Variants in ENTPD7 observed in about 807,000 individuals in gnomAD.
The protein encoded by ENTPD7 is NTPDase 7.
A neutral mutation model predicts 77.9 loss-of-function variants in ENTPD7; 53 were observed. That is an observed-to-expected ratio of 0.68 (90% CI 0.55 to 0.85). ENTPD7 has a LOEUF of 0.85. Ranked by LOEUF, ENTPD7 falls within the 40% of genes least tolerant of loss-of-function variation. The pLI, the probability that ENTPD7 is intolerant of heterozygous loss-of-function variation, is 0.00. For synonymous variants in ENTPD7, 248 were observed against 274.9 expected, an observed-to-expected ratio of 0.90 and a Z score of 0.97; for missense variants, 636 against 743.7, an observed-to-expected ratio of 0.86 and a Z score of 1.68.
Position 99,703,672 on chromosome 10 carries a change from CT to C in ENTPD7, c.1584-777del, listed in dbSNP as rs200354653. Among the ~76,000 whole-genome samples, 113 of 152,168 alleles carry C rather than the reference CT, an allele frequency of 7.4e-4. 1 individual carries two copies. The East Asian group carries it at 0.019, about 26-fold the overall frequency. On this transcript the variant is annotated intron_variant, in intron 12 of 12. Coordinates refer to ENST00000370489, the MANE Select transcript of ENTPD7 (RefSeq NM_020354.5). ...TGTAATACAGTTGATCAGGTAACAGCTTTATTTAGATATATCCTAGATCCTA... is the reference window on the plus strand; with the variant it reads ...TGTAATACAGTTGATCAGGTAACAGCTTATTTAGATATATCCTAGATCCTA...
rs746168281 is a variant in ENTPD7 at position 99,695,938 on chromosome 10, C to T, written c.844-18C>T. On this transcript the variant is annotated intron_variant, in intron 8 of 12. Coordinates refer to ENST00000370489, the MANE Select transcript of ENTPD7 (RefSeq NM_020354.5). ...ACCAAAACTAAAATTCCCTTTTTCT[C>T]TTGGTATTGTATTATAGGAAGAAGC... 7.0e-6 allele frequency: 11 copies of T among 1,577,702 alleles called. No homozygotes were observed. The Admixed American group carries it at 7.7e-5, about 11-fold the overall frequency.
rs1252451552 is a variant in ENTPD7, at chr10:99,704,982, T to C, written c.*299T>C. The C allele has an allele frequency of 2.8e-6, 1 of 352,534 alleles. No homozygotes were observed. Among genetic ancestry groups the C allele is most frequent in the Non-Finnish European group, 5.3e-6 (1 of 189,742 alleles). 21.8% of individuals were successfully genotyped at this position (352,534 alleles called of 1,614,324 possible). On this transcript the variant is annotated 3_prime_UTR_variant, in exon 13 of 13. Coordinates refer to ENST00000370489, the MANE Select transcript of ENTPD7 (RefSeq NM_020354.5). ...TGAGAGGTCTGGTGTGTTCCTAGAA[T>C]CTCACCTTTTCTTCCCTTGCTAAAG...
At chr10:99,680,282 T>C (rs779347947) in intron 5 of ENTPD7, among the ~76,000 whole-genome samples, 1 of 152,202 alleles carries the variant, frequency 6.6e-6, no homozygotes, top group Non-Finnish European at 1.5e-5. Flanking sequence ...TTGCTGCTAC[T>C]GCAAAGCTCA....
At chr10:99,675,514 A>G (rs546897462) in intron 3 of ENTPD7, among the ~76,000 whole-genome samples, 10 of 121,142 alleles carry the variant, frequency 8.3e-5, no homozygotes, top group African/African-American at 3.2e-4. Flanking sequence ...AAAAGTTTTT[A>G]GATAGGGTTT....
chr10:99,698,685 C>T lies in ENTPD7; in HGVS notation c.1162C>T (p.Pro388Ser). Residue 388 changes from proline (P) to serine (S), a missense_variant, in exon 10 of 13, where the codon CCC (proline) becomes TCC (serine). Transcript: ENST00000370489. The stretch of plus-strand genomic sequence containing the variant: ...GGTGTCTTGTGGGGCAATGCTGAGC[C>T]CCCTGCTGGCTCGCTCCAACACCAG... The part of the protein sequence containing the change: ...DWVSCGAMLS[P>S]LLARSNTSQA... The T allele has an allele frequency of 6.2e-7, 1 of 1,614,136 alleles. No homozygotes were observed. Among genetic ancestry groups the T allele is most frequent in the Non-Finnish European group, 8.5e-7 (1 of 1,180,022 alleles).
chr10:99,679,081 A>G (rs1332640822), intron 3 of ENTPD7, among the ~76,000 whole-genome samples, 180 bp from the exon 4 acceptor site: 1 of 151,904 alleles, frequency 6.6e-6, no homozygotes, highest in East Asian at 1.9e-4. Flanking sequence ...TGAACCAGCT[A>G]TTGTCTCAAG....
At chr10:99,686,809 T>G (rs1339073919) in intron 6 of ENTPD7, among the ~76,000 whole-genome samples, 1 of 152,024 alleles carries the variant, frequency 6.6e-6, no homozygotes, top group Non-Finnish European at 1.5e-5. Context: ...ATTTTGAATA[T>G]TACATTATGA....
Position 99,673,866 on chromosome 10 carries a change from C to T in ENTPD7, c.192-5395C>T, listed in dbSNP as rs143710731. ...CCAAACCAATCAATACTATTTGATA[C>T]ATCTTTTGGGCAGAGAAACATGAGA... On this transcript the variant is annotated intron_variant, in intron 3 of 12. Transcript: ENST00000370489. Among the ~76,000 whole-genome samples, 8 of 152,308 alleles carry T rather than the reference C, an allele frequency of 5.3e-5. No homozygotes were observed. The East Asian group carries it at 1.3e-3, about 26-fold the overall frequency.
chr10:99,661,367 T>G, intron 2 of ENTPD7, 79 bp from the exon 3 acceptor site: 1 of 1,315,640 alleles, frequency 7.6e-7, no homozygotes, highest in Non-Finnish European at 1.0e-6. Flanking sequence ...ATTAGGAGGG[T>G]TTTATCCAAT....
intron 3 of ENTPD7, among the ~76,000 whole-genome samples, chr10:99,662,581 G>GA (rs2035500138): frequency 6.6e-6 from 1 of 151,960 alleles, no homozygotes; most frequent in African/African-American, 2.4e-5. Flanking sequence ...TTCAATATAA[G>GA]AAAAAAAGGC....
rs953380863 is a variant in ENTPD7, at chr10:99,659,614, G to A, written c.-96+26G>A. The A allele has an allele frequency of 9.1e-6, 2 of 220,662 alleles. No individual in the cohort carries two copies. The highest frequency in any genetic ancestry group is 1.8e-4 in the South Asian group (2 of 10,924). 13.7% of individuals were successfully genotyped at this position (220,662 alleles called of 1,614,324 possible). ...GTGAGTGTGGGCGCGAGAGGGCTGT[G>A]GGACCCGGAGGGACGGGGAGAGGAA... On this transcript the variant is annotated intron_variant, in intron 1 of 12. Transcript: ENST00000370489. The surrounding 1 kb of genome is among the most constrained non-coding windows in gnomAD (Gnocchi z 4.1).
At chr10:99,670,598 T>C (rs1467498303) in intron 3 of ENTPD7, among the ~76,000 whole-genome samples, 1 of 152,228 alleles carries the variant, frequency 6.6e-6, no homozygotes, top group African/African-American at 2.4e-5. Flanking sequence ...TATACGCTCC[T>C]AGCCTACAAG....
chr10:99,705,870 TAA>T lies in ENTPD7; in HGVS notation c.*1188_*1189del, dbSNP rs2036240186. ...AATGAAGCGAGAGGAAAAGCCATAA[TAA>T]TTACATCTTCACCCACTACCCTTCC... On this transcript the variant is annotated 3_prime_UTR_variant, in exon 13 of 13. Coordinates refer to ENST00000370489, the MANE Select transcript of ENTPD7 (RefSeq NM_020354.5). 2.0e-5 allele frequency: 3 copies of T among 152,232 alleles called. No homozygotes were observed. Among genetic ancestry groups the T allele is most frequent in the Non-Finnish European group, 4.4e-5 (3 of 68,036 alleles). The allele number at this position is 152,232 out of a possible 1,614,324, so 9.4% of individuals were successfully genotyped here.
rs144532335 is a variant in ENTPD7 at position 99,664,973 on chromosome 10, G to A, written c.191+3345G>A. ...AATGGTTGAAAAACAGCAGACTGCC[G>A]GGCATGGTGGCTCACGCCTGTAATC... On this transcript the variant is annotated intron_variant, in intron 3 of 12. Coordinates refer to ENST00000370489, the MANE Select transcript of ENTPD7 (RefSeq NM_020354.5). Among the ~76,000 whole-genome samples, 1,244 of 151,954 alleles carry A rather than the reference G, an allele frequency of 8.2e-3. 14 individuals are homozygous for A. Among genetic ancestry groups the A allele is most frequent in the African/African-American group, 0.027 (1,119 of 41,474 alleles).
chr10:99,706,734 T>C lies in ENTPD7; in HGVS notation c.*2051T>C, dbSNP rs1335987299. Among the ~76,000 whole-genome samples the C allele has an allele frequency of 6.6e-6, 1 of 152,226 alleles. No homozygotes were observed. The highest frequency in any genetic ancestry group is 1.5e-5 in the Non-Finnish European group (1 of 68,030). ...CTACATTGCTTTTTCTTTTATTATC[T>C]GTGCTCCGTGAACCTTATGAATGCT... On this transcript the variant is annotated 3_prime_UTR_variant, in exon 13 of 13. Transcript: ENST00000370489.
chr10:99,696,956 C>T (rs961721650), intron 9 of ENTPD7, among the ~76,000 whole-genome samples: 1 of 152,080 alleles, frequency 6.6e-6, no homozygotes, highest in Non-Finnish European at 1.5e-5. Context: ...AGAGAAGGAC[C>T]ACAGATGAAA....
intron 3 of ENTPD7, among the ~76,000 whole-genome samples, chr10:99,669,625 AT>A (rs1184108417): frequency 6.6e-6 from 1 of 150,786 alleles, no homozygotes; most frequent in Non-Finnish European, 1.5e-5. Flanking sequence ...TTTTAGAGCC[AT>A]TTTAGTTTTA....
At chr10:99,677,585 G>A (rs767941281) in intron 3 of ENTPD7, among the ~76,000 whole-genome samples, 4 of 152,064 alleles carry the variant, frequency 2.6e-5, no homozygotes, top group Admixed American at 2.6e-4. Flanking sequence ...GGCTGGTCTC[G>A]AATTCCTGAT....
intron 2 of ENTPD7, 196 bp downstream of exon 2, chr10:99,660,160 A>G: frequency 1.8e-6 from 1 of 565,622 alleles, no homozygotes; most frequent in South Asian, 7.7e-5. Context: ...TAGCCCATAG[A>G]CCAGGAGTGG....
Sources: allele counts gnomAD v4.1 joint callset (sites outside exome capture counted in the v4.1 genomes callset), GRCh38; gene constraint gnomAD v4.1.1; non-coding constraint Gnocchi (gnomAD v3.1); transcripts MANE v1.5; gene names NCBI Gene and HGNC (gene_info 2026-07-23, HGNC 2026-07-21).